Variants in CSMD1 observed in about 807,000 individuals in gnomAD.
CSMD1 encodes CUB and Sushi multiple domains 1, also known as CUB and sushi domain-containing protein 1.
A neutral mutation model predicts 417.5 loss-of-function variants in CSMD1; 213 were observed. The observed-to-expected ratio is 0.51, with a 90% confidence interval of 0.46 to 0.57. The LOEUF is 0.57. Ranked by LOEUF, CSMD1 falls within the 20% of genes least tolerant of loss-of-function variation. The pLI, the probability that CSMD1 is intolerant of heterozygous loss-of-function variation, is 0.00. For synonymous variants in CSMD1, 2,862 were observed against 1,736.8 expected, an observed-to-expected ratio of 1.65 and a Z score of -16.11; for missense variants, 6,923 against 4,529.7, an observed-to-expected ratio of 1.53 and a Z score of -15.17.
intron 2 of CSMD1, among the ~76,000 whole-genome samples, chr8:4,545,233 G>A (rs1797577593): frequency 6.6e-6 from 1 of 152,146 alleles, no homozygotes; most frequent in South Asian, 2.1e-4. Context: ...TAAAATGGGA[G>A]GTGCAGTAAT....
intron 3 of CSMD1, among the ~76,000 whole-genome samples, chr8:4,332,583 A>ACACACACACACACACACACACACT (rs1799930302): frequency 7.0e-6 from 1 of 143,082 alleles, no homozygotes; most frequent in Admixed American, 6.8e-5. Context: ...ACACACACAC[A>ACACACACACACACACACACACACT]CACACACACA....
chr8:4,644,902 A>G (rs1173299693), intron 1 of CSMD1, among the ~76,000 whole-genome samples: 1 of 152,190 alleles, frequency 6.6e-6, no homozygotes, highest in African/African-American at 2.4e-5. Flanking sequence ...CCTGTGGGTG[A>G]GTTTGAGTGC....
At chr8:3,458,762 A>G (rs965798020) in intron 12 of CSMD1, among the ~76,000 whole-genome samples, 1 of 152,228 alleles carries the variant, frequency 6.6e-6, no homozygotes, top group East Asian at 1.9e-4. Flanking sequence ...TTTGGTTACT[A>G]AATGGCTCAC....
intron 3 of CSMD1, among the ~76,000 whole-genome samples, chr8:4,271,749 T>C (rs567523836): frequency 6.6e-6 from 1 of 152,314 alleles, no homozygotes; most frequent in East Asian, 1.9e-4. Flanking sequence ...AATATACTTA[T>C]ACATATAAAA....
chr8:4,647,825 G>A (rs569765293), intron 1 of CSMD1, among the ~76,000 whole-genome samples: 3 of 152,284 alleles, frequency 2.0e-5, no homozygotes, highest in Admixed American at 6.5e-5. Flanking sequence ...ACTGATGGGC[G>A]TTTGGGTTGG....
At chr8:2,944,540 G>C (rs909907961) in intron 68 of CSMD1, among the ~76,000 whole-genome samples, 2 of 152,256 alleles carry the variant, frequency 1.3e-5, no homozygotes, top group South Asian at 4.1e-4. Flanking sequence ...TGTTCACACG[G>C]ACTCATAGTC....
At chr8:4,071,419 A>G (rs766755506) in intron 3 of CSMD1, among the ~76,000 whole-genome samples, 14 of 152,104 alleles carry the variant, frequency 9.2e-5, no homozygotes, top group African/African-American at 1.7e-4. Context: ...TGTAGTTTAG[A>G]TATTTAATTA....
intron 3 of CSMD1, among the ~76,000 whole-genome samples, chr8:4,259,986 C>A (rs758782199): frequency 1.3e-5 from 2 of 151,602 alleles, no homozygotes; most frequent in Admixed American, 6.6e-5. Context: ...TGATAACAGA[C>A]CTATAAAGCA....
chr8:4,578,522 A>G (rs1799248460), intron 2 of CSMD1, among the ~76,000 whole-genome samples: 1 of 151,596 alleles, frequency 6.6e-6, no homozygotes, highest in African/African-American at 2.4e-5. Flanking sequence ...GTTTTATTAT[A>G]AAACCTATCT....
chr8:4,325,215 C>G (rs1018476555), intron 3 of CSMD1, among the ~76,000 whole-genome samples: 31 of 152,166 alleles, frequency 2.0e-4, no homozygotes, highest in Non-Finnish European at 4.3e-4. Context: ...TGATACATTT[C>G]CAGGGATTCC....
intron 11 of CSMD1, among the ~76,000 whole-genome samples, chr8:3,488,086 G>GTATTATTATTATTAT (rs34188243): frequency 0.073 from 10,851 of 148,228 alleles, 523 homozygotes; most frequent in Non-Finnish European, 0.11. Context: ...GAAACTCATA[G>GTATTATTATTATTAT]TATTATTATT....
At chr8:3,680,564 A>C (rs1337733635) in intron 7 of CSMD1, among the ~76,000 whole-genome samples, 1 of 152,146 alleles carries the variant, frequency 6.6e-6, no homozygotes, top group Non-Finnish European at 1.5e-5. Flanking sequence ...CAACCAAAAA[A>C]AGTCCAGGAC....
intron 10 of CSMD1, among the ~76,000 whole-genome samples, chr8:3,533,630 T>A (rs1171425996): frequency 6.6e-6 from 1 of 152,188 alleles, no homozygotes; most frequent in Non-Finnish European, 1.5e-5. Context: ...CATCTGCATC[T>A]GGAATCTCCC....
intron 3 of CSMD1, among the ~76,000 whole-genome samples, chr8:4,337,607 A>C (rs756401268): frequency 2.5e-4 from 38 of 152,162 alleles, no homozygotes; most frequent in South Asian, 1.0e-3. Flanking sequence ...TGTGGACAGT[A>C]AATATTTTAG....
At chr8:2,938,814 G>A in intron 69 of CSMD1, 70 bp from the exon 70 acceptor site, 3 of 1,399,218 alleles carry the variant, frequency 2.1e-6, no homozygotes, top group Non-Finnish European at 3.0e-6. Flanking sequence ...GGGACTGTGT[G>A]CAGGAGACAA....
chr8:4,523,522 C>G (rs891496284), intron 2 of CSMD1, among the ~76,000 whole-genome samples: 1 of 152,076 alleles, frequency 6.6e-6, no homozygotes, highest in African/African-American at 2.4e-5. Context: ...TTTTCCTTCT[C>G]TCTCACACAC....
At chr8:4,049,256 T>C (rs1283571497) in intron 3 of CSMD1, among the ~76,000 whole-genome samples, 7 of 152,094 alleles carry the variant, frequency 4.6e-5, no homozygotes, top group Admixed American at 3.9e-4. Flanking sequence ...ACTGGCATTT[T>C]GTATGAAATA....
At chr8:4,239,807 G>A (rs1256269233) in intron 3 of CSMD1, among the ~76,000 whole-genome samples, 1 of 152,164 alleles carries the variant, frequency 6.6e-6, no homozygotes, top group African/African-American at 2.4e-5. Context: ...AAAAGGTCAA[G>A]ATATTTACAC....
chr8:4,317,299 T>A (rs1176992680), intron 3 of CSMD1, among the ~76,000 whole-genome samples: 1 of 152,214 alleles, frequency 6.6e-6, no homozygotes, highest in Non-Finnish European at 1.5e-5. Flanking sequence ...TGGTGTGATT[T>A]GTATAAATTT....
Sources: allele counts gnomAD v4.1 joint callset (sites outside exome capture counted in the v4.1 genomes callset), GRCh38; gene constraint gnomAD v4.1.1; transcripts MANE v1.5; gene names NCBI Gene and HGNC (gene_info 2026-07-23, HGNC 2026-07-21).